Variants in DLGAP2 observed in about 807,000 individuals in gnomAD.
DLGAP2 encodes the protein DLG associated protein 2.
In DLGAP2, 26 loss-of-function variants were observed where a neutral mutation model predicts 100.3. That is an observed-to-expected ratio of 0.26 (90% CI 0.19 to 0.36). The LOEUF (loss-of-function observed/expected upper bound fraction) is 0.36, where lower values mean the gene tolerates loss of function less well. Among genes scored for constraint, DLGAP2 ranks in the 10% least tolerant of loss-of-function variants. DLGAP2 has a pLI of 1.00. For synonymous variants in DLGAP2, 886 were observed against 630.1 expected, an observed-to-expected ratio of 1.41 and a Z score of -6.08; for missense variants, 1,858 against 1,453.2, an observed-to-expected ratio of 1.28 and a Z score of -4.53.
chr8:1,048,870 G>T (rs1035734179), intron 2 of DLGAP2, among the ~76,000 whole-genome samples: 21 of 152,114 alleles, frequency 1.4e-4, no homozygotes, highest in Admixed American at 1.4e-3. Context: ...AAAATTCAGT[G>T]TGCCTATAAA....
chr8:1,353,095 G>A (rs773128494), intron 3 of DLGAP2, among the ~76,000 whole-genome samples: 3 of 152,146 alleles, frequency 2.0e-5, no homozygotes, highest in Non-Finnish European at 4.4e-5. Flanking sequence ...GGACCCCCCC[G>A]AGGTCAGTGA....
At chr8:1,294,854 G>A (rs1800134283) in intron 3 of DLGAP2, among the ~76,000 whole-genome samples, 1 of 148,232 alleles carries the variant, frequency 6.7e-6, no homozygotes, top group South Asian at 2.2e-4. Context: ...GGGCGACAGA[G>A]CAAGATCTTG....
intron 3 of DLGAP2, among the ~76,000 whole-genome samples, chr8:1,274,902 C>T (rs1320702674): frequency 6.6e-6 from 1 of 151,976 alleles, no homozygotes; most frequent in Non-Finnish European, 1.5e-5. Context: ...ATGAATATTC[C>T]TTGTAGACCT....
intron 6 of DLGAP2, among the ~76,000 whole-genome samples, chr8:1,601,563 G>A (rs1688937559): frequency 6.6e-6 from 1 of 151,940 alleles, no homozygotes; most frequent in Non-Finnish European, 1.5e-5. Flanking sequence ...TTTCAGAGAT[G>A]CCCTGCCCAG....
At chr8:879,408 T>C (rs1797743244) in intron 1 of DLGAP2, among the ~76,000 whole-genome samples, 1 of 152,308 alleles carries the variant, frequency 6.6e-6, no homozygotes, top group Non-Finnish European at 1.5e-5. Context: ...GTGGTACCCA[T>C]GGATAAGTTC....
At chr8:1,558,217 G>A (rs1223057672) in intron 5 of DLGAP2, among the ~76,000 whole-genome samples, 4 of 152,208 alleles carry the variant, frequency 2.6e-5, no homozygotes, top group Admixed American at 1.3e-4. Context: ...CAAGCATGAG[G>A]GCGATAGGAG....
intron 6 of DLGAP2, among the ~76,000 whole-genome samples, chr8:1,575,421 A>G (rs977062656): frequency 9.9e-5 from 15 of 151,286 alleles, no homozygotes; most frequent in African/African-American, 3.6e-4. Context: ...TTGAGGGTCA[A>G]AAGAACCACC....
In DLGAP2 at chr8:1,701,347, G is replaced by A. The variant is rs968201779; in HGVS notation, c.3109G>A (p.Ala1037Thr). The change falls in exon 15 of 15, where the codon GCC (alanine) becomes ACC (threonine). Residue 1037 changes from alanine to threonine, a missense_variant. Physicochemically the swap from Ala to Thr is moderately conservative, Grantham distance 58. Transcript: ENST00000637795. ...KRAASFRQNS[A>T]SERADSIEIY... is the part of the protein sequence containing the mutation. Reference sequence around the variant, plus strand: ...AGCGGCGTCCTTCCGGCAGAATTCCGCCTCCGAGCGCGCGGACAGCATCGA... The same window carrying A: ...AGCGGCGTCCTTCCGGCAGAATTCCACCTCCGAGCGCGCGGACAGCATCGA... 4.4e-6 allele frequency: 7 copies of A among 1,592,508 alleles called. No homozygotes were observed. In the African/African-American group the frequency reaches 5.4e-5, roughly 12 times the overall value.
At chr8:1,362,385 TC>T (rs1452509169) in intron 3 of DLGAP2, among the ~76,000 whole-genome samples, 1 of 151,950 alleles carries the variant, frequency 6.6e-6, no homozygotes, top group Admixed American at 6.5e-5. Flanking sequence ...TCTTCCATCT[TC>T]CCATGTCCCA....
chr8:1,669,124 G>A (rs1052593675), intron 9 of DLGAP2, among the ~76,000 whole-genome samples: 2 of 152,174 alleles, frequency 1.3e-5, no homozygotes, highest in African/African-American at 4.8e-5. Context: ...GGAATGAAGA[G>A]GTAAAAGGAA....
chr8:880,650 TG>T (rs1160693555), intron 1 of DLGAP2, among the ~76,000 whole-genome samples: 1 of 147,820 alleles, frequency 6.8e-6, no homozygotes, highest in Non-Finnish European at 1.5e-5. Flanking sequence ...GCATCCGTGC[TG>T]GGGAGACTTT....
chr8:1,246,094 T>C (rs949656992), intron 2 of DLGAP2, among the ~76,000 whole-genome samples: 2 of 152,226 alleles, frequency 1.3e-5, no homozygotes, highest in Non-Finnish European at 2.9e-5. Flanking sequence ...GCCATTTGGT[T>C]TCTAAATATC....
chr8:1,440,858 AG>A (rs1797810333), intron 3 of DLGAP2, among the ~76,000 whole-genome samples: 1 of 152,198 alleles, frequency 6.6e-6, no homozygotes, highest in Non-Finnish European at 1.5e-5. Context: ...TGGAGTGCCC[AG>A]GGCTGTTTTA....
intron 3 of DLGAP2, among the ~76,000 whole-genome samples, chr8:1,491,061 A>T (rs61173080): frequency 0.46 from 46,166 of 100,340 alleles, 12,010 homozygotes; most frequent in Middle Eastern, 0.59. Flanking sequence ...AAAATAAATA[A>T]AAATAAACTG....
intron 4 of DLGAP2, among the ~76,000 whole-genome samples, chr8:1,502,065 C>T (rs1221200876): frequency 6.6e-6 from 1 of 152,232 alleles, no homozygotes; most frequent in Non-Finnish European, 1.5e-5. Flanking sequence ...ATGTTGAATA[C>T]ATCTGACATC....
At chr8:1,164,589 A>T (rs1796977895) in intron 2 of DLGAP2, among the ~76,000 whole-genome samples, 1 of 152,074 alleles carries the variant, frequency 6.6e-6, no homozygotes, top group African/African-American at 2.4e-5. Context: ...TTCTAAGCCC[A>T]GATGCCACAA....
intron 4 of DLGAP2, among the ~76,000 whole-genome samples, chr8:1,527,415 G>T (rs1328147672): frequency 6.6e-6 from 1 of 152,204 alleles, no homozygotes; most frequent in African/African-American, 2.4e-5. Context: ...AGGACAGATG[G>T]CGCCAGGAAG....
intron 3 of DLGAP2, among the ~76,000 whole-genome samples, chr8:1,283,742 A>C (rs982999967): frequency 2.0e-5 from 3 of 152,256 alleles, no homozygotes; most frequent in African/African-American, 7.2e-5. Flanking sequence ...GATACAATCC[A>C]TAAAAATAAG....
At chr8:1,699,086 G>C (rs746080778) in intron 14 of DLGAP2, among the ~76,000 whole-genome samples, 3 of 152,242 alleles carry the variant, frequency 2.0e-5, no homozygotes, top group Non-Finnish European at 2.9e-5. Flanking sequence ...GAGGGAGAAG[G>C]CTGTTCAAAC....
Sources: allele counts gnomAD v4.1 joint callset (sites outside exome capture counted in the v4.1 genomes callset), GRCh38; gene constraint gnomAD v4.1.1; transcripts MANE v1.5; gene names NCBI Gene and HGNC (gene_info 2026-07-23, HGNC 2026-07-21).